Variants in MBD5 observed in about 807,000 individuals in gnomAD.
The protein encoded by MBD5 is methyl-CpG-binding domain protein 5.
A neutral mutation model predicts 117.3 loss-of-function variants in MBD5; 13 were observed. That is an observed-to-expected ratio of 0.11 (90% CI 0.07 to 0.18). The LOEUF is 0.18. MBD5 is among the 10% of genes least tolerant of loss of function. The pLI is 1.00. For synonymous variants in MBD5, 727 were observed against 766.4 expected (o/e 0.95, Z 0.85); for missense variants, 1,879 against 2,093.8 (o/e 0.90, Z 2.00).
At chr2:148,395,022 C>G (rs961069098) in intron 4 of MBD5, among the ~76,000 whole-genome samples, 1 of 152,056 alleles carries the variant, frequency 6.6e-6, no homozygotes, top group African/African-American at 2.4e-5. Context: ...TGTTGGAGCT[C>G]AGGATGTGGA....
At chr2:148,398,217 AG>A (rs1704796403) in intron 4 of MBD5, among the ~76,000 whole-genome samples, 1 of 152,194 alleles carries the variant, frequency 6.6e-6, no homozygotes, top group Non-Finnish European at 1.5e-5. Flanking sequence ...TAGATCCCTG[AG>A]GAATCGCCAC....
At chr2:148,412,428 T>C (rs897643627) in intron 4 of MBD5, among the ~76,000 whole-genome samples, 1 of 152,002 alleles carries the variant, frequency 6.6e-6, no homozygotes, top group African/African-American at 2.4e-5. Context: ...TTAGGATTGC[T>C]TTGGCTGTTT....
At chr2:148,326,352 C>G (rs1363862060) in intron 3 of MBD5, among the ~76,000 whole-genome samples, 1 of 152,068 alleles carries the variant, frequency 6.6e-6, no homozygotes, top group East Asian at 1.9e-4. Flanking sequence ...TCTATTAGGT[C>G]CGCTTGGTGC....
intron 1 of MBD5, among the ~76,000 whole-genome samples, chr2:148,066,898 G>T (rs764258736): frequency 1.3e-5 from 2 of 152,168 alleles, no homozygotes; most frequent in Non-Finnish European, 2.9e-5. Flanking sequence ...CTGTCAGAAA[G>T]ACTTCTTTTC....
chr2:148,071,560 A>G lies in MBD5; in HGVS notation c.-925+49876A>G, dbSNP rs575558443. ...TTAAATTATAGACTTTGGAACTTAC[A>G]TAAGATCTCTCAGTGCTTTATGATA... On this transcript the variant is annotated intron_variant, in intron 1 of 13. Transcript: ENST00000642680. The G allele has an allele frequency of 2.6e-5, 4 of 152,302 alleles. No homozygotes were observed. The East Asian group carries it at 7.7e-4, about 29-fold the overall frequency. 9.4% of individuals were successfully genotyped at this position (152,302 alleles called of 1,614,324 possible). A position where few individuals can be genotyped will look rare whatever the true frequency, so the allele number is the denominator to read the frequency against.
At chr2:148,049,565 G>A (rs1694634707) in intron 1 of MBD5, among the ~76,000 whole-genome samples, 1 of 152,134 alleles carries the variant, frequency 6.6e-6, no homozygotes, top group South Asian at 2.1e-4. Context: ...AATCCACATA[G>A]CATGAAATTT....
intron 4 of MBD5, among the ~76,000 whole-genome samples, chr2:148,399,706 G>A (rs1009059390): frequency 6.6e-6 from 1 of 152,102 alleles, no homozygotes; most frequent in Non-Finnish European, 1.5e-5. Flanking sequence ...TAGGAGTGGT[G>A]AGAGAGGGCA....
chr2:148,134,292 A>G lies in MBD5; in HGVS notation c.-924-44408A>G, dbSNP rs538773675. 5.9e-4 allele frequency among the ~76,000 whole-genome samples: 90 copies of G among 152,316 alleles called. 1 individual carries two copies. The highest frequency in any genetic ancestry group is 1.1e-3 in the Non-Finnish European group (73 of 68,020). On this transcript the variant is annotated intron_variant, in intron 1 of 13. Transcript: ENST00000642680. ...GATACAGATATACAAACACCCATAT[A>G]TACATATATGTTGAAATTCTTGGCA...
intron 10 of MBD5, among the ~76,000 whole-genome samples, chr2:148,486,767 A>G (rs1349307538): frequency 1.3e-5 from 2 of 152,334 alleles, no homozygotes; most frequent in African/African-American, 4.8e-5. Flanking sequence ...TTATCACACT[A>G]ATGTGTCCAT....
At chr2:148,512,838 T>C (rs1358447484) in intron 13 of MBD5, 32 bp from the exon 14 acceptor site, 1 of 1,579,900 alleles carries the variant, frequency 6.3e-7, no homozygotes, top group South Asian at 1.1e-5. Context: ...TCCTCTGTTG[T>C]TGTTGTTTTT....
intron 3 of MBD5, among the ~76,000 whole-genome samples, chr2:148,286,529 C>G (rs569670286): frequency 6.6e-6 from 1 of 152,298 alleles, no homozygotes; most frequent in East Asian, 1.9e-4. Flanking sequence ...GCATTAAAAT[C>G]TATCATTTTA....
chr2:148,445,750 C>T (rs1706486045), intron 4 of MBD5, among the ~76,000 whole-genome samples: 1 of 151,380 alleles, frequency 6.6e-6, no homozygotes. Context: ...TACAGTCCCA[C>T]CAACAGTGTA....
chr2:148,121,036 C>A (rs911585830), intron 1 of MBD5, among the ~76,000 whole-genome samples: 20 of 152,066 alleles, frequency 1.3e-4, no homozygotes, highest in Admixed American at 9.2e-4. Flanking sequence ...TTTTAGAATC[C>A]AGATCAGATG....
At position 148,390,614 on chromosome 2, in the gene MBD5, C is replaced by T. The variant is rs1208073477; in HGVS notation, c.-557+48278C>T. Among the ~76,000 whole-genome samples, 5 of 151,236 alleles carry T rather than the reference C, an allele frequency of 3.3e-5. No homozygotes were observed. In the East Asian group the frequency reaches 5.8e-4, roughly 18 times the overall value. On this transcript the variant is annotated intron_variant, in intron 4 of 13. Coordinates refer to ENST00000642680, the MANE Select transcript of MBD5 (RefSeq NM_001378120.1). ...TTTTTGAGATGGGGTCTCACTCTGT[C>T]GCCCAGGCTGGAGTATAATGGCATG...
At chr2:148,139,131 C>A (rs1697244573) in intron 1 of MBD5, among the ~76,000 whole-genome samples, 1 of 152,142 alleles carries the variant, frequency 6.6e-6, no homozygotes, top group Admixed American at 6.5e-5. Flanking sequence ...ATAATTTATA[C>A]AGAGACTGGG....
rs1219449253 is a variant in MBD5 at position 148,226,663 on chromosome 2, T to G, written c.-830-6582T>G. Among the ~76,000 whole-genome samples, 3 of 152,166 alleles carry G rather than the reference T, an allele frequency of 2.0e-5. No individual in the cohort carries two copies. In the East Asian group the frequency reaches 5.8e-4, roughly 29 times the overall value. The stretch of plus-strand genomic sequence containing the variant: ...TGGCTGGGTCAAATGGTATTTCTAG[T>G]TCTAGATCCCTGAGGAATCGCCACA... On this transcript the variant is annotated intron_variant, in intron 2 of 13. Transcript: ENST00000642680.
chr2:148,394,333 G>A (rs746926595), intron 4 of MBD5, among the ~76,000 whole-genome samples: 1 of 152,072 alleles, frequency 6.6e-6, no homozygotes, highest in Non-Finnish European at 1.5e-5. Context: ...GGTTTCCTGA[G>A]ATGGGTGGTC....
At chr2:148,471,820 T>C (rs1217879983) in intron 8 of MBD5, 2 of 152,104 alleles carry the variant, frequency 1.3e-5, no homozygotes, top group African/African-American at 4.8e-5. Context: ...AACAGTATAC[T>C]TATCCCATAG....
At chr2:148,411,878 T>C (rs180693047) in intron 4 of MBD5, among the ~76,000 whole-genome samples, 1 of 152,322 alleles carries the variant, frequency 6.6e-6, no homozygotes, top group Non-Finnish European at 1.5e-5. Flanking sequence ...TTTTTGCTTT[T>C]GTTACAATTA....
Sources: gnomAD v4.1 joint callset for allele counts (sites outside exome capture counted in the v4.1 genomes callset) on GRCh38, gnomAD v4.1.1 for gene constraint, MANE v1.5 for transcripts, NCBI Gene and HGNC (gene_info 2026-07-23, HGNC 2026-07-21) for gene names.